LPAR3: variants seen among roughly 807,000 people sequenced by gnomAD.
LPAR3 encodes the protein LPA receptor 3.
A neutral mutation model predicts 17.8 loss-of-function variants in LPAR3; 7 were observed. That is an observed-to-expected ratio of 0.39 (90% CI 0.22 to 0.74). The LOEUF is 0.74. Ranked by LOEUF, LPAR3 falls within the 30% of genes least tolerant of loss-of-function variation. LPAR3 has a pLI of 0.40. For synonymous variants in LPAR3, 179 were observed against 179.9 expected (o/e 0.99, Z 0.04); for missense variants, 391 against 453.4 (o/e 0.86, Z 1.25).
intron 1 of LPAR3, among the ~76,000 whole-genome samples, chr1:84,878,755 G>T (rs140166552): frequency 7.4e-4 from 112 of 152,278 alleles, no homozygotes; most frequent in Admixed American, 1.2e-3. Context: ...CCCCAGGGTT[G>T]TTTGTAATGA....
chr1:84,859,028 C>T (rs933226929), intron 2 of LPAR3, among the ~76,000 whole-genome samples: 15 of 152,098 alleles, frequency 9.9e-5, no homozygotes, highest in Admixed American at 6.6e-5. Context: ...ATGGGGGAAG[C>T]GCAAATAATT....
chr1:84,858,548 T>G (rs1348432707), intron 2 of LPAR3, among the ~76,000 whole-genome samples: 1 of 151,020 alleles, frequency 6.6e-6, no homozygotes, highest in Non-Finnish European at 1.5e-5. Flanking sequence ...CTTGTCTACC[T>G]GACAGGCATG....
chr1:84,884,239 G>A (rs1019235803), intron 1 of LPAR3, among the ~76,000 whole-genome samples: 8 of 152,238 alleles, frequency 5.3e-5, no homozygotes, highest in Non-Finnish European at 8.8e-5. Flanking sequence ...ACAGCAGTGA[G>A]GACAACCCAA....
intron 2 of LPAR3, among the ~76,000 whole-genome samples, chr1:84,860,734 A>ATTTTTTTTTTTTTTTTTTTTTTTTTTTTT (rs35354113): frequency 8.8e-6 from 1 of 113,548 alleles, no homozygotes; most frequent in African/African-American, 3.5e-5. Context: ...TTAGGATTTA[A>ATTTTTTTTTTTTTTTTTTTTTTTTTTTTT]TTTTTTTTTT....
chr1:84,852,905 T>C (rs977588471), intron 2 of LPAR3, among the ~76,000 whole-genome samples: 19 of 151,910 alleles, frequency 1.3e-4, no homozygotes, highest in Non-Finnish European at 2.8e-4. Context: ...ATTAGAGTAG[T>C]ATAGGAAGAA....
At chr1:84,819,811 G>A (rs1338212530) in intron 2 of LPAR3, among the ~76,000 whole-genome samples, 1 of 152,252 alleles carries the variant, frequency 6.6e-6, no homozygotes, top group South Asian at 2.1e-4. Context: ...CTAATCTGAG[G>A]TCTGCTTTTC....
intron 2 of LPAR3, among the ~76,000 whole-genome samples, chr1:84,852,415 G>C (rs888961255): frequency 6.6e-6 from 1 of 152,100 alleles, no homozygotes; most frequent in Non-Finnish European, 1.5e-5. Flanking sequence ...TGATTAATTG[G>C]TTATAGGTGG....
chr1:84,815,639 C>G (rs1233070955), intron 2 of LPAR3, among the ~76,000 whole-genome samples: 1 of 152,090 alleles, frequency 6.6e-6, no homozygotes, highest in East Asian at 1.9e-4. Context: ...ATGAGTGACC[C>G]GAATTATGGG....
chr1:84,856,060 T>C (rs1264358996), intron 2 of LPAR3, among the ~76,000 whole-genome samples: 8 of 152,130 alleles, frequency 5.3e-5, no homozygotes, highest in Non-Finnish European at 7.4e-5. Context: ...AACAGCAGCG[T>C]AGGGGCAGCA....
intron 2 of LPAR3, among the ~76,000 whole-genome samples, chr1:84,835,780 G>A (rs1443049251): frequency 6.6e-6 from 1 of 152,060 alleles, no homozygotes; most frequent in Non-Finnish European, 1.5e-5. Context: ...AGGTGTAACT[G>A]TTCAGTTATT....
intron 2 of LPAR3, among the ~76,000 whole-genome samples, chr1:84,855,067 C>A (rs1464166062): frequency 6.6e-6 from 1 of 152,092 alleles, no homozygotes; most frequent in Non-Finnish European, 1.5e-5. Context: ...GAAGATGACT[C>A]CTGCCAATAA....
Position 84,863,290 on chromosome 1 carries a change from T to C in LPAR3, c.736+2095A>G, listed in dbSNP as rs373938322. 5.3e-5 allele frequency among the ~76,000 whole-genome samples: 8 copies of C among 151,916 alleles called. No homozygotes were observed. The East Asian group carries it at 7.7e-4, about 15-fold the overall frequency. ...GGGTTTCACCATGTTGCCCAGGCTC[T>C]TCCTTTCTTTCTCAATTTTACTCCA... On this transcript the variant is annotated intron_variant, in intron 2 of 2. Transcript: ENST00000370611.
chr1:84,879,500 A>G (rs1660323929), intron 1 of LPAR3, among the ~76,000 whole-genome samples: 1 of 151,524 alleles, frequency 6.6e-6, no homozygotes. Flanking sequence ...TTTGGTAGAG[A>G]CAGGGTTTCA....
At chr1:84,864,727 G>A (rs1443294246) in intron 2 of LPAR3, among the ~76,000 whole-genome samples, 1 of 152,080 alleles carries the variant, frequency 6.6e-6, no homozygotes, top group Non-Finnish European at 1.5e-5. Flanking sequence ...AGGTTGCAGT[G>A]AGCTGAGACG....
intron 2 of LPAR3, among the ~76,000 whole-genome samples, chr1:84,817,634 GA>G: frequency 6.6e-6 from 1 of 152,120 alleles, no homozygotes; most frequent in Admixed American, 6.5e-5. Flanking sequence ...CTGTTCTGTC[GA>G]AGAACATTTG....
intron 2 of LPAR3, among the ~76,000 whole-genome samples, chr1:84,849,816 C>G (rs187859356): frequency 6.6e-6 from 1 of 152,324 alleles, no homozygotes; most frequent in East Asian, 1.9e-4. Flanking sequence ...GCAAGGTACA[C>G]AGCTAACCCT....
chr1:84,853,328 A>T (rs1378924060), intron 2 of LPAR3, among the ~76,000 whole-genome samples: 1 of 152,190 alleles, frequency 6.6e-6, no homozygotes, highest in Non-Finnish European at 1.5e-5. Context: ...TGACCTGTGC[A>T]GGTGGACTCA....
chr1:84,821,858 TATG>T (rs1659061737), intron 2 of LPAR3, among the ~76,000 whole-genome samples: 1 of 152,132 alleles, frequency 6.6e-6, no homozygotes, highest in Non-Finnish European at 1.5e-5. Flanking sequence ...AGCATGTGGC[TATG>T]ATAACTAAGC....
At chr1:84,891,771 A>T (rs997839908) in intron 1 of LPAR3, among the ~76,000 whole-genome samples, 5 of 152,230 alleles carry the variant, frequency 3.3e-5, no homozygotes, top group African/African-American at 1.2e-4. Flanking sequence ...TCTGATACAG[A>T]CTAAGTTGGA....
Sources: allele counts gnomAD v4.1 joint callset (sites outside exome capture counted in the v4.1 genomes callset), GRCh38; gene constraint gnomAD v4.1.1; transcripts MANE v1.5; gene names NCBI Gene and HGNC (gene_info 2026-07-23, HGNC 2026-07-21).